DENND5B: variants seen among roughly 807,000 people sequenced by gnomAD.
DENND5B encodes DENN domain-containing protein 5B.
In DENND5B, 34 loss-of-function variants were observed where a neutral mutation model predicts 140.6. The ratio of observed to expected loss-of-function variants is 0.24; its 90% CI spans 0.18 to 0.32. The LOEUF is 0.32. DENND5B is among the 10% of genes least tolerant of loss of function. The probability of loss-of-function intolerance (pLI) is 1.00; values close to 1 mark genes in which losing one functional copy is unlikely to be tolerated. For synonymous variants in DENND5B, 551 were observed against 562.1 expected (o/e 0.98, Z 0.28); for missense variants, 1,142 against 1,560.2 (o/e 0.73, Z 4.52).
At chr12:31,584,999 A>C (rs1565720952) in intron 1 of DENND5B, among the ~76,000 whole-genome samples, 1 of 152,186 alleles carries the variant, frequency 6.6e-6, no homozygotes, top group Non-Finnish European at 1.5e-5. Flanking sequence ...AGAGGAACGA[A>C]GAGGGTAGGG....
intron 1 of DENND5B, among the ~76,000 whole-genome samples, chr12:31,521,437 A>G (rs1459743276): frequency 6.6e-6 from 1 of 152,038 alleles, no homozygotes; most frequent in Non-Finnish European, 1.5e-5. Context: ...ACAGGCACAC[A>G]CCACTGCACC....
chr12:31,560,172 C>T (rs915680289), intron 1 of DENND5B, among the ~76,000 whole-genome samples: 4 of 152,112 alleles, frequency 2.6e-5, no homozygotes, highest in African/African-American at 9.7e-5. Flanking sequence ...CCTACTTGAC[C>T]AGAATATCTT....
At chr12:31,512,749 T>A (rs906456534) in intron 1 of DENND5B, among the ~76,000 whole-genome samples, 2 of 152,170 alleles carry the variant, frequency 1.3e-5, no homozygotes, top group African/African-American at 4.8e-5. Flanking sequence ...ATTTCATTGT[T>A]TTAAGAAACT....
intron 1 of DENND5B, among the ~76,000 whole-genome samples, chr12:31,504,798 A>G (rs540390505): frequency 6.6e-6 from 1 of 152,086 alleles, no homozygotes; most frequent in East Asian, 1.9e-4. Context: ...GGTGGGGGTC[A>G]AACGATTAGT....
intron 11 of DENND5B, among the ~76,000 whole-genome samples, chr12:31,418,088 T>C (rs1379197859): frequency 6.6e-6 from 1 of 152,148 alleles, no homozygotes; most frequent in South Asian, 2.1e-4. Context: ...CTAAAAGCAC[T>C]ACTTTCAAGG....
In DENND5B at chr12:31,590,686, C is replaced by T; in HGVS notation, c.127+20G>A. 6.9e-7 allele frequency: 1 copy of T among 1,456,876 alleles called. No individual in the cohort carries two copies. The highest frequency in any genetic ancestry group is 9.0e-7 in the Non-Finnish European group (1 of 1,109,896). 90.2% of individuals were successfully genotyped at this position (1,456,876 alleles called of 1,614,324 possible). A position where few individuals can be genotyped will look rare whatever the true frequency, so the allele number is the denominator to read the frequency against. ...CCGCGCCCCTGAGGGGGCTCAGCGC[C>T]GCCGCAGCCCTGGCCTTACCCGCCA... On this transcript the variant is annotated intron_variant, in intron 1 of 20. Transcript: ENST00000389082.
At chr12:31,426,555 A>G in intron 8 of DENND5B, 131 bp from the exon 9 acceptor site, 1 of 1,056,646 alleles carries the variant, frequency 9.5e-7, no homozygotes. Flanking sequence ...TATAACAACA[A>G]TTAATGTTTT....
chr12:31,553,814 G>A (rs1276933847), intron 1 of DENND5B, among the ~76,000 whole-genome samples: 2 of 152,172 alleles, frequency 1.3e-5, no homozygotes, highest in Non-Finnish European at 2.9e-5. Context: ...TTACCATTAT[G>A]TAATGGCCTT....
At chr12:31,561,361 C>T (rs1949468510) in intron 1 of DENND5B, among the ~76,000 whole-genome samples, 1 of 152,202 alleles carries the variant, frequency 6.6e-6, no homozygotes, top group Non-Finnish European at 1.5e-5. Flanking sequence ...TGGTGGCACA[C>T]ACCTATAATT....
chr12:31,433,430 G>A (rs991348656), intron 7 of DENND5B, among the ~76,000 whole-genome samples, 182 bp from the exon 8 acceptor site: 10 of 151,882 alleles, frequency 6.6e-5, no homozygotes, highest in African/African-American at 1.9e-4. Context: ...ACAACCAAAC[G>A]GTTTTTAGTA....
intron 13 of DENND5B, among the ~76,000 whole-genome samples, chr12:31,412,386 A>G (rs1942506898): frequency 6.6e-6 from 1 of 152,206 alleles, no homozygotes; most frequent in Non-Finnish European, 1.5e-5. Context: ...ATGGAAGATA[A>G]TGTTCCCATG....
intron 1 of DENND5B, among the ~76,000 whole-genome samples, chr12:31,560,074 T>G (rs1202095898): frequency 6.6e-6 from 1 of 152,208 alleles, no homozygotes; most frequent in Non-Finnish European, 1.5e-5. Flanking sequence ...TGATCTTATC[T>G]AAACTCAAGG....
intron 11 of DENND5B, among the ~76,000 whole-genome samples, chr12:31,422,130 G>A (rs1943050781): frequency 6.6e-6 from 1 of 151,700 alleles, no homozygotes; most frequent in Non-Finnish European, 1.5e-5. Context: ...GAATAAAAGG[G>A]TCTTTAAGGT....
intron 11 of DENND5B, among the ~76,000 whole-genome samples, chr12:31,418,430 C>T (rs1942869422): frequency 6.6e-6 from 1 of 151,398 alleles, no homozygotes; most frequent in African/African-American, 2.4e-5. Context: ...AGGTGCATGC[C>T]ACCACACCTG....
At chr12:31,391,859 T>G (rs182387917) in intron 19 of DENND5B, among the ~76,000 whole-genome samples, 71 of 151,942 alleles carry the variant, frequency 4.7e-4, no homozygotes, top group Admixed American at 2.6e-3. Context: ...TATATATCCT[T>G]GCCGGGCACG....
chr12:31,424,816 G>T, intron 9 of DENND5B, 129 bp from the exon 10 acceptor site: 1 of 1,206,100 alleles, frequency 8.3e-7, no homozygotes, highest in Non-Finnish European at 1.2e-6. Flanking sequence ...ATCACCTTGG[G>T]AAAAAAATCT....
chr12:31,394,644 C>T (rs902911500), intron 17 of DENND5B, among the ~76,000 whole-genome samples: 9 of 146,784 alleles, frequency 6.1e-5, no homozygotes, highest in Non-Finnish European at 1.0e-4. Context: ...GACGGAGTCT[C>T]GCTCTGTCAC....
intron 3 of DENND5B, among the ~76,000 whole-genome samples, chr12:31,467,787 A>G (rs565831185): frequency 9.2e-5 from 14 of 152,380 alleles, no homozygotes; most frequent in Non-Finnish European, 1.3e-4. Context: ...ATTCTATAAC[A>G]TAAGAGTAAC....
At chr12:31,498,709 A>G (rs956263370) in intron 1 of DENND5B, among the ~76,000 whole-genome samples, 4 of 152,190 alleles carry the variant, frequency 2.6e-5, no homozygotes, top group Admixed American at 2.6e-4. Context: ...ACTGTGGCTC[A>G]TGCCTGTAAT....
Sources: gnomAD v4.1 joint callset for allele counts (sites outside exome capture counted in the v4.1 genomes callset) on GRCh38, gnomAD v4.1.1 for gene constraint, MANE v1.5 for transcripts, NCBI Gene and HGNC (gene_info 2026-07-23, HGNC 2026-07-21) for gene names.